URB2: variants seen among roughly 807,000 people sequenced by gnomAD.
URB2 encodes unhealthy ribosome biogenesis protein 2 homolog.
Under a neutral mutation model 120.9 loss-of-function variants are expected in URB2, and 86 were observed. That is an observed-to-expected ratio of 0.71 (90% CI 0.60 to 0.85). The LOEUF (loss-of-function observed/expected upper bound fraction) is 0.85. Among genes scored for constraint, URB2 ranks in the 40% least tolerant of loss-of-function variants. URB2 has a pLI of 0.00. For synonymous variants in URB2, 755 were observed against 758.4 expected (o/e 1.00, Z 0.07); for missense variants, 1,765 against 1,836.5 (o/e 0.96, Z 0.71).
chr1:229,641,925 CCTTGAGCCCAAGAGGT>C (rs1271517502), intron 4 of URB2, among the ~76,000 whole-genome samples: 1 of 152,070 alleles, frequency 6.6e-6, no homozygotes, highest in Admixed American at 6.5e-5. Context: ...CGAGAGGACC[CCTTGAGCCCAAGAGGT>C]CGAGGCTGCA....
At chr1:229,638,364 G>A (rs552175639) in intron 4 of URB2, 117 bp downstream of exon 4, 111 of 1,221,918 alleles carry the variant, frequency 9.1e-5, no homozygotes, top group South Asian at 7.1e-4. Context: ...CCACATGTGC[G>A]GCTGGGTGCG....
In URB2 at chr1:229,636,819, C is replaced by T. The variant is rs766365463; in HGVS notation, c.2206C>T (p.Pro736Ser). The T allele has an allele frequency of 1.2e-6, 2 of 1,611,940 alleles. No homozygotes were observed. The highest frequency in any genetic ancestry group is 1.7e-6 in the Non-Finnish European group (2 of 1,178,420). The change falls in exon 4 of 10, where the codon CCT becomes TCT. Residue 736 changes from proline (P) to serine (S), a missense_variant. Pro to Ser is a moderately conservative substitution (Grantham distance 74, BLOSUM62 -1). Transcript: ENST00000258243. ...TGGGATGGTGAGTGGACTCACATAC[C>T]CTGTAGCACACTGGCACTTGATTGT... Reference protein sequence around the residue: ...QVGMVSGLTYPVAHWHLIVSN... With the variant: ...QVGMVSGLTYSVAHWHLIVSN...
rs767189531 is a variant in URB2 at position 229,645,882 on chromosome 1, G to A, written c.3819G>A (p.Leu1273=). 9 of 1,614,180 alleles carry A rather than the reference G, an allele frequency of 5.6e-6. No homozygotes were observed. The South Asian group carries it at 9.9e-5, about 18-fold the overall frequency. The change falls in exon 6 of 10, where the codon CTG becomes CTA. Residue 1273 remains leucine (L), a synonymous_variant. Transcript: ENST00000258243. ...DVQAVVSAVT[L]LRLLLNCPLS... is the part of the protein sequence containing the mutation. ...AGGCTGTTGTGTCAGCTGTTACACT[G>A]CTGAGGCTGCTACTGAACTGCCCAC...
intron 4 of URB2, among the ~76,000 whole-genome samples, chr1:229,641,167 C>T (rs1331692393): frequency 6.6e-6 from 1 of 152,004 alleles, no homozygotes; most frequent in Non-Finnish European, 1.5e-5. Flanking sequence ...CATGCACCAC[C>T]ATGCCCGGCT....
rs575825278 is a variant in URB2, at chr1:229,653,797, TC to T, written c.4238-451del. On this transcript the variant is annotated intron_variant, in intron 8 of 9. Transcript: ENST00000258243. Reference sequence around the variant, plus strand: ...ATAAAAGGCACATACACAAACAATTTCTGAAATGTAAGGAGGCAAAGACATA... The same window carrying T: ...ATAAAAGGCACATACACAAACAATTTTGAAATGTAAGGAGGCAAAGACATA... Among the ~76,000 whole-genome samples, 93 of 152,326 alleles carry T rather than the reference TC, an allele frequency of 6.1e-4. 1 individual carries two copies. The highest frequency in any genetic ancestry group is 1.2e-3 in the Non-Finnish European group (81 of 68,020).
intron 8 of URB2, among the ~76,000 whole-genome samples, chr1:229,652,283 G>A (rs1666298050): frequency 6.6e-6 from 1 of 152,150 alleles, no homozygotes; most frequent in Non-Finnish European, 1.5e-5. Context: ...ACTGTCTGAT[G>A]TGCTAAGCAG....
chr1:229,649,792 A>C (rs1049548320), intron 7 of URB2, among the ~76,000 whole-genome samples: 17 of 152,204 alleles, frequency 1.1e-4, no homozygotes, highest in African/African-American at 4.1e-4. Context: ...TACATGGCTT[A>C]GCTTGTTCAA....
At chr1:229,634,859 C>G (rs1387017374) in intron 3 of URB2, 58 bp from the exon 4 acceptor site, 2 of 1,372,442 alleles carry the variant, frequency 1.5e-6, no homozygotes, top group East Asian at 2.4e-5. Flanking sequence ...TAATACTTTT[C>G]TTGTGTATGT....
In URB2 at chr1:229,647,623, C is replaced by G. The variant is rs1413285420; in HGVS notation, c.4020C>G (p.Pro1340=). ...AGGGGGAGGAGGCCATCGGCAACCC[C>G]CACCACGTCAGCCTGGCCTTCAGCA... The part of the protein sequence containing the change: ...LRQGEEAIGN[P]HHVSLAFSIL... Residue 1340 remains proline, a synonymous_variant, in exon 7 of 10, where the codon CCC becomes CCG. Transcript: ENST00000258243. 6.8e-6 allele frequency: 11 copies of G among 1,614,076 alleles called. No individual in the cohort carries two copies. In the East Asian group the frequency reaches 8.9e-5, roughly 13 times the overall value.
intron 9 of URB2, among the ~76,000 whole-genome samples, chr1:229,656,096 ACG>A (rs1242875309): frequency 6.6e-6 from 1 of 152,118 alleles, no homozygotes; most frequent in East Asian, 1.9e-4. Context: ...ACACCCCTTC[ACG>A]TTGTCCTTTG....
intron 2 of URB2, among the ~76,000 whole-genome samples, chr1:229,631,628 G>A (rs1665669501): frequency 6.6e-6 from 1 of 152,228 alleles, no homozygotes; most frequent in African/African-American, 2.4e-5. Context: ...CAGAGGAGAA[G>A]GAGAGAGGGG....
chr1:229,655,266 C>T (rs1201764602), intron 9 of URB2, among the ~76,000 whole-genome samples: 3 of 152,196 alleles, frequency 2.0e-5, no homozygotes, highest in Non-Finnish European at 4.4e-5. Context: ...TGGAGTTTTG[C>T]TCTTTCTCCC....
intron 8 of URB2, among the ~76,000 whole-genome samples, 183 bp from the exon 9 acceptor site, chr1:229,654,066 T>C (rs1338787514): frequency 6.6e-6 from 1 of 152,018 alleles, no homozygotes; most frequent in African/African-American, 2.4e-5. Context: ...CCCTTTGTTG[T>C]GTAGATAACT....
chr1:229,656,612 A>T (rs764542372), intron 9 of URB2, among the ~76,000 whole-genome samples: 1 of 152,236 alleles, frequency 6.6e-6, no homozygotes, highest in Admixed American at 6.5e-5. Flanking sequence ...AGTTTAATTA[A>T]ATACCAGATC....
Position 229,635,261 on chromosome 1 carries a change from A to G in URB2, c.648A>G (p.Thr216=). 3 of 1,614,216 alleles carry G rather than the reference A, an allele frequency of 1.9e-6. No individual in the cohort carries two copies. The highest frequency in any genetic ancestry group is 2.5e-6 in the Non-Finnish European group (3 of 1,180,042). Residue 216 remains threonine (T), a synonymous_variant, in exon 4 of 10, where the codon ACA becomes ACG. Coordinates refer to ENST00000258243, the MANE Select transcript of URB2 (RefSeq NM_014777.4). ...LVLRHLLSGG[T]WTQAGQGQLR... ...TGAGGCACTTACTCTCTGGGGGCAC[A>G]TGGACGCAGGCTGGCCAGGGCCAGC...
Position 229,638,075 on chromosome 1 carries a change from C to T in URB2, c.3462C>T (p.Tyr1154=), listed in dbSNP as rs1312965390. The change falls in exon 4 of 10, where the codon TAC becomes TAT. Residue 1154 remains tyrosine (Y), a synonymous_variant. Transcript: ENST00000258243. ...DRTLLSHVAL[Y]QGVYSQILLE... Reference sequence around the variant, plus strand: ...CGCTGCTCTCCCATGTTGCCCTCTACCAGGGTGTTTACTCTCAGATACTGT... The same window carrying T: ...CGCTGCTCTCCCATGTTGCCCTCTATCAGGGTGTTTACTCTCAGATACTGT... 6.2e-7 allele frequency: 1 copy of T among 1,614,204 alleles called. No individual in the cohort carries two copies. Among genetic ancestry groups the T allele is most frequent in the Non-Finnish European group, 8.5e-7 (1 of 1,180,028 alleles).
chr1:229,647,614 C>T lies in URB2; in HGVS notation c.4011C>T (p.Ile1337=), dbSNP rs137900306. 379 of 1,614,182 alleles carry T rather than the reference C, an allele frequency of 2.3e-4. 2 individuals are homozygous for T. The highest frequency in any genetic ancestry group is 2.1e-3 in the African/African-American group (155 of 75,052). ...TGCTGCGGCAGGGGGAGGAGGCCAT[C>T]GGCAACCCCCACCACGTCAGCCTGG... ...AALLRQGEEA[I]GNPHHVSLAF... Residue 1337 remains isoleucine (I), a synonymous_variant, in exon 7 of 10, where the codon ATC becomes ATT. Coordinates refer to ENST00000258243, the MANE Select transcript of URB2 (RefSeq NM_014777.4).
chr1:229,650,580 G>A (rs1558171410), intron 7 of URB2, among the ~76,000 whole-genome samples: 1 of 152,018 alleles, frequency 6.6e-6, no homozygotes, highest in East Asian at 1.9e-4. Context: ...ACAGGCATCC[G>A]GCGCCATGCT....
chr1:229,658,685 A>G (rs900777308), intron 9 of URB2, among the ~76,000 whole-genome samples: 1 of 152,182 alleles, frequency 6.6e-6, no homozygotes, highest in East Asian at 1.9e-4. Flanking sequence ...CAGGGTTGGC[A>G]TAGCTTCCAA....
Sources: gnomAD v4.1 joint callset for allele counts (sites outside exome capture counted in the v4.1 genomes callset) on GRCh38, gnomAD v4.1.1 for gene constraint, MANE v1.5 for transcripts, NCBI Gene and HGNC (gene_info 2026-07-23, HGNC 2026-07-21) for gene names.